Variants in POLR1C observed in about 807,000 individuals in gnomAD.
POLR1C encodes DNA-directed RNA polymerases I and III subunit RPAC1.
POLR1C carries 42 observed loss-of-function variants against 38.3 expected under a neutral mutation model. The ratio of observed to expected loss-of-function variants is 1.10; its 90% CI spans 0.86 to 1.42. The LOEUF is 1.42. Among genes scored for constraint, POLR1C ranks in the 40% most tolerant of loss-of-function variants. The pLI is 0.00. For missense variants in POLR1C, 507 were observed against 450.5 expected, an observed-to-expected ratio of 1.13 and a Z score of -1.14; for synonymous variants, 163 against 163.9, an observed-to-expected ratio of 0.99 and a Z score of 0.04.
At chr6:43,560,596 G>A (rs1178379484) in intron 10 of POLR1C, among the ~76,000 whole-genome samples, 3 of 152,192 alleles carry the variant, frequency 2.0e-5, no homozygotes, top group Admixed American at 2.0e-4. Context: ...ATTTTGAACA[G>A]AGTGAAATTA....
At chr6:43,525,264 C>G, downstream of POLR1C, 1 of 1,515,890 alleles carries the variant, frequency 6.6e-7, no homozygotes, top group Non-Finnish European at 8.9e-7. Flanking sequence ...GCACAGTTTT[C>G]TCTGATGATT....
rs1474709195 is a variant in POLR1C, at chr6:43,542,356, T to C, written c.*5-8612T>C. Among the ~76,000 whole-genome samples the C allele has an allele frequency of 2.0e-5, 3 of 152,208 alleles. No homozygotes were observed. The South Asian group carries it at 6.2e-4, about 31-fold the overall frequency. ...TGACGCAGGAGGTGCTATGAATACCTTGCTACATTCTTAAAGCAAACTTTT... is the reference window on the plus strand; with the variant it reads ...TGACGCAGGAGGTGCTATGAATACCCTGCTACATTCTTAAAGCAAACTTTT... On this transcript the variant is annotated intron_variant, in intron 9 of 10. Transcript: ENST00000607635.
At chr6:43,552,939 T>C (rs978914464) in intron 10 of POLR1C, among the ~76,000 whole-genome samples, 6 of 152,202 alleles carry the variant, frequency 3.9e-5, no homozygotes, top group African/African-American at 1.4e-4. Flanking sequence ...ATTAGCTGTT[T>C]GAACTTGAGT....
intron 9 of POLR1C, chr6:43,548,241 G>C: frequency 6.3e-7 from 1 of 1,577,460 alleles, no homozygotes; most frequent in Non-Finnish European, 8.6e-7. Context: ...GTAAGAGTCA[G>C]GGCAAGGGAT....
chr6:43,548,208 A>G, intron 9 of POLR1C: 1 of 1,499,836 alleles, frequency 6.7e-7, no homozygotes, highest in Admixed American at 2.1e-5. Flanking sequence ...TAGCTCTTAA[A>G]CCAAAATGGG....
intron 4 of POLR1C, 99 bp from the exon 5 acceptor site, chr6:43,519,967 C>T: frequency 6.4e-7 from 1 of 1,555,716 alleles, no homozygotes; most frequent in Non-Finnish European, 8.7e-7. Context: ...CCTTGTCTCC[C>T]AAGTTTGCCA....
chr6:43,517,321 T>G lies in POLR1C; in HGVS notation c.85T>G (p.Phe29Val). The G allele has an allele frequency of 6.2e-7, 1 of 1,614,130 alleles. No individual in the cohort carries two copies. Among genetic ancestry groups the G allele is most frequent in the Non-Finnish European group, 8.5e-7 (1 of 1,179,998 alleles). ...FGVRNVHTTD[F>V]PGNYSGYDDA... Reference sequence around the variant, plus strand: ...TTTGCTCTAGGTCCATACTACTGACTTTCCCGGTAACTATTCCGGTTATGA... The same window carrying G: ...TTTGCTCTAGGTCCATACTACTGACGTTCCCGGTAACTATTCCGGTTATGA... Residue 29 changes from phenylalanine (F) to valine (V), a missense_variant, in exon 2 of 9, where the codon TTT becomes GTT. Physicochemically the swap from Phe to Val is conservative, Grantham distance 50. Transcript: ENST00000642195.
downstream of POLR1C, chr6:43,525,472 A>G (rs1007202504): frequency 9.7e-6 from 5 of 514,922 alleles, no homozygotes; most frequent in Middle Eastern, 5.1e-4. Flanking sequence ...AAGCAGGAAA[A>G]ATAAAAGGAG....
chr6:43,557,783 TAAAAAAAAAAAAAAA>T (rs59661301), intron 10 of POLR1C, among the ~76,000 whole-genome samples: 2 of 87,230 alleles, frequency 2.3e-5, no homozygotes, highest in Admixed American at 2.7e-4. Flanking sequence ...AATAAAGCTG[TAAAAAAAAAAAAAAA>T]AAAAAAAAAA....
chr6:43,532,042 G>A (rs1794023208), downstream of POLR1C, among the ~76,000 whole-genome samples: 1 of 152,178 alleles, frequency 6.6e-6, no homozygotes, highest in Non-Finnish European at 1.5e-5. Context: ...GAGTCCTATA[G>A]TCAGAAGCTA....
downstream of POLR1C, chr6:43,525,312 T>TC (rs369499320): frequency 1.3e-4 from 138 of 1,038,672 alleles, no homozygotes; most frequent in African/African-American, 1.3e-3. Flanking sequence ...TTTTTTTTCC[T>TC]CCCCCCCTCT....
intron 9 of POLR1C, among the ~76,000 whole-genome samples, chr6:43,541,052 C>A (rs1794665038): frequency 6.6e-6 from 1 of 151,946 alleles, no homozygotes. Flanking sequence ...AAAATTTAAA[C>A]AATTCGACTC....
chr6:43,520,658 C>A lies in POLR1C; in HGVS notation c.689C>A (p.Thr230Lys). The A allele has an allele frequency of 6.2e-7, 1 of 1,614,178 alleles. No homozygotes were observed. Among genetic ancestry groups the A allele is most frequent in the Non-Finnish European group, 8.5e-7 (1 of 1,180,022 alleles). Residue 230 changes from threonine (T) to lysine (K), a missense_variant, in exon 7 of 9, where the codon ACA becomes AAA. Thr to Lys is a moderately conservative substitution (Grantham distance 78, BLOSUM62 -1). Transcript: ENST00000642195. ...CATGCCAAGTTTTCACCAGTGGCAACAGCCAGTTACAGGCTCCTGCCAGAC... is the reference window on the plus strand; with the variant it reads ...CATGCCAAGTTTTCACCAGTGGCAAAAGCCAGTTACAGGCTCCTGCCAGAC... ...KDHAKFSPVA[T>K]ASYRLLPDIT... is the part of the protein sequence containing the mutation.
intron 8 of POLR1C, chr6:43,527,810 C>CT: frequency 6.8e-7 from 1 of 1,463,980 alleles, no homozygotes; most frequent in Non-Finnish European, 9.4e-7. Context: ...TAATCAGACT[C>CT]TCTCTGACCA....
intron 2 of POLR1C, among the ~76,000 whole-genome samples, chr6:43,518,222 G>C (rs1433119656): frequency 1.3e-5 from 2 of 152,204 alleles, no homozygotes; most frequent in Non-Finnish European, 2.9e-5. Flanking sequence ...ATATGGAGCA[G>C]GCAGATCTGT....
At chr6:43,548,310 C>T in intron 9 of POLR1C, 2 of 1,613,356 alleles carry the variant, frequency 1.2e-6, no homozygotes, top group Non-Finnish European at 1.7e-6. Context: ...GCCATCAGCT[C>T]CTCTAGGAAC....
At chr6:43,533,091 C>T (rs912155587), downstream of POLR1C, among the ~76,000 whole-genome samples, 4 of 152,080 alleles carry the variant, frequency 2.6e-5, no homozygotes, top group African/African-American at 9.7e-5. Flanking sequence ...GCTGAGATTG[C>T]ACCACTGTAC....
At chr6:43,557,212 G>C (rs1341177535) in intron 10 of POLR1C, among the ~76,000 whole-genome samples, 1 of 151,410 alleles carries the variant, frequency 6.6e-6, no homozygotes, top group South Asian at 2.1e-4. Context: ...GGATCACGAG[G>C]TCAGGAGATT....
At chr6:43,537,865 G>A (rs1443078101) in intron 9 of POLR1C, among the ~76,000 whole-genome samples, 2 of 151,928 alleles carry the variant, frequency 1.3e-5, no homozygotes, top group African/African-American at 4.8e-5. Flanking sequence ...TCAGGAGTTT[G>A]AGACCAGCCT....
Sources: allele counts gnomAD v4.1 joint callset (sites outside exome capture counted in the v4.1 genomes callset), GRCh38; gene constraint gnomAD v4.1.1; transcripts MANE v1.5; gene names NCBI Gene and HGNC (gene_info 2026-07-23, HGNC 2026-07-21).